TBCE: variants seen among roughly 807,000 people sequenced by gnomAD.
TBCE encodes tubulin-specific chaperone E.
Under a neutral mutation model 77.0 loss-of-function variants are expected in TBCE, and 53 were observed. The ratio of observed to expected loss-of-function variants is 0.69; its 90% CI spans 0.55 to 0.87. TBCE has a LOEUF of 0.87. Ranked by LOEUF, TBCE falls within the 40% of genes least tolerant of loss-of-function variation. The pLI, the probability that TBCE is intolerant of heterozygous loss-of-function variation, is 0.00. For synonymous variants in TBCE, 235 were observed against 241.3 expected (o/e 0.97, Z 0.24); for missense variants, 624 against 622.4 (o/e 1.00, Z -0.03).
chr1:235,398,523 T>G (rs1437632034), intron 2 of TBCE, among the ~76,000 whole-genome samples: 1 of 152,006 alleles, frequency 6.6e-6, no homozygotes, highest in African/African-American at 2.4e-5. Context: ...TGGGTTTATA[T>G]CTCTCATCTT....
At chr1:235,424,543 T>A (rs1680594140) in intron 5 of TBCE, among the ~76,000 whole-genome samples, 1 of 151,732 alleles carries the variant, frequency 6.6e-6, no homozygotes, top group Admixed American at 6.6e-5. Context: ...TTCGTTCTTG[T>A]TGCCCAGGCT....
At chr1:235,369,146 TA>T (rs898795305) in intron 1 of TBCE, among the ~76,000 whole-genome samples, 2 of 151,398 alleles carry the variant, frequency 1.3e-5, no homozygotes, top group African/African-American at 2.4e-5. Context: ...GTTGATCCTT[TA>T]AAAAAAAATC....
At chr1:235,423,955 C>G (rs79180393) in intron 5 of TBCE, among the ~76,000 whole-genome samples, 2,089 of 152,286 alleles carry the variant, frequency 0.014, 22 homozygotes, top group Middle Eastern at 0.065. Context: ...TGTTCCTGAC[C>G]TTCTTGCAGA....
intron 1 of TBCE, among the ~76,000 whole-genome samples, chr1:235,375,023 C>G (rs1357813608): frequency 6.9e-5 from 10 of 144,748 alleles, no homozygotes; most frequent in Non-Finnish European, 1.5e-4. Flanking sequence ...TGGGTTCACA[C>G]CATTCTCCTG....
chr1:235,378,023 T>C (rs1280030861), intron 1 of TBCE, among the ~76,000 whole-genome samples: 1 of 152,174 alleles, frequency 6.6e-6, no homozygotes, highest in African/African-American at 2.4e-5. Context: ...CTCAGATATC[T>C]ATATACCAAT....
In TBCE at chr1:235,412,567, C is replaced by T. The variant is rs150303562; in HGVS notation, c.186-1866C>T. On this transcript the variant is annotated intron_variant, in intron 3 of 16. Coordinates refer to ENST00000642610, the MANE Select transcript of TBCE (RefSeq NM_003193.5). ...CTTTAGGTGATCTGCCCGCCTCAGC[C>T]TCCCAAAATGCTAGGATTATAGGGG... Among the ~76,000 whole-genome samples the T allele has an allele frequency of 8.1e-3, 1,227 of 151,708 alleles. 21 individuals carry two copies. Among genetic ancestry groups the T allele is most frequent in the African/African-American group, 0.028 (1,155 of 41,384 alleles).
chr1:235,372,471 T>G (rs895955306), intron 1 of TBCE, among the ~76,000 whole-genome samples: 2 of 152,174 alleles, frequency 1.3e-5, no homozygotes, highest in African/African-American at 4.8e-5. Context: ...TCTTTGGAGT[T>G]GTAAATAAAC....
At chr1:235,383,591 T>G (rs1429832207) in intron 2 of TBCE, among the ~76,000 whole-genome samples, 4 of 152,004 alleles carry the variant, frequency 2.6e-5, no homozygotes, top group East Asian at 1.9e-4. Flanking sequence ...GTGAATGGGA[T>G]TTCACTCATG....
rs780407960 is a variant in TBCE, at chr1:235,435,801, T to G, written c.794T>G (p.Ile265Ser). 6.2e-7 allele frequency: 1 copy of G among 1,614,190 alleles called. No homozygotes were observed. Among genetic ancestry groups the G allele is most frequent in the South Asian group, 1.1e-5 (1 of 91,084 alleles). ...KLLDLSSNQLIDENQLYLIAH... is the reference protein window; with the variant it reads ...KLLDLSSNQLSDENQLYLIAH... ...TTAGATCTTTCCTCTAATCAATTAA[T>G]TGATGAAAATCAGCTGTATCTGATA... Residue 265 changes from isoleucine (I) to serine (S), a missense_variant, in exon 9 of 17, where the codon ATT becomes AGT. Transcript: ENST00000642610.
At chr1:235,400,134 G>A (rs1041006089) in intron 2 of TBCE, among the ~76,000 whole-genome samples, 1 of 151,862 alleles carries the variant, frequency 6.6e-6, no homozygotes, top group African/African-American at 2.4e-5. Flanking sequence ...ACCTCCTTTT[G>A]GACCCATGAA....
At chr1:235,447,311 A>G (rs1344190765) in intron 15 of TBCE, among the ~76,000 whole-genome samples, 5 of 152,266 alleles carry the variant, frequency 3.3e-5, no homozygotes, top group African/African-American at 1.2e-4. Flanking sequence ...GTTTGAATAC[A>G]CTGTGATATT....
intron 1 of TBCE, among the ~76,000 whole-genome samples, chr1:235,370,409 T>C (rs1230479514): frequency 7.3e-5 from 11 of 151,500 alleles, no homozygotes; most frequent in Middle Eastern, 3.4e-3. Context: ...CATGCCACCA[T>C]GCCTGGCTAA....
intron 13 of TBCE, chr1:235,440,769 A>T (rs1681826788): frequency 6.6e-6 from 1 of 151,788 alleles, no homozygotes; most frequent in African/African-American, 2.4e-5. Context: ...GTTCTGCAGT[A>T]AGCTCTCGTC....
At chr1:235,404,529 G>A (rs1347798483) in intron 3 of TBCE, among the ~76,000 whole-genome samples, 1 of 152,152 alleles carries the variant, frequency 6.6e-6, no homozygotes, top group Non-Finnish European at 1.5e-5. Context: ...GTGAGTGAAT[G>A]TGAAGGCTGG....
At chr1:235,391,600 CTTTTT>C (rs58265980) in intron 2 of TBCE, among the ~76,000 whole-genome samples, 2,514 of 85,352 alleles carry the variant, frequency 0.029, 66 homozygotes, top group African/African-American at 0.11. Context: ...GCTTCATTTC[CTTTTT>C]TTTTTTTTTT....
intron 2 of TBCE, among the ~76,000 whole-genome samples, chr1:235,385,824 G>T (rs1244086735): frequency 6.6e-6 from 1 of 152,126 alleles, no homozygotes; most frequent in Non-Finnish European, 1.5e-5. Context: ...TACATTTAAA[G>T]TTAATATTGT....
intron 2 of TBCE, among the ~76,000 whole-genome samples, chr1:235,384,313 G>C (rs1290340313): frequency 4.2e-5 from 6 of 144,208 alleles, no homozygotes; most frequent in Admixed American, 2.8e-4. Flanking sequence ...TTTGGTATCA[G>C]GATGATGCTG....
At chr1:235,396,621 G>T (rs1207584990) in intron 2 of TBCE, among the ~76,000 whole-genome samples, 1 of 152,156 alleles carries the variant, frequency 6.6e-6, no homozygotes, top group African/African-American at 2.4e-5. Context: ...GTGTGTGAGG[G>T]TTCCCTTTTC....
intron 2 of TBCE, 41 bp from the exon 3 acceptor site, chr1:235,401,462 A>G (rs1479523643): frequency 1.9e-6 from 3 of 1,552,394 alleles, no homozygotes; most frequent in Admixed American, 1.7e-5. Context: ...CATTGCCTGT[A>G]TCATCATCTG....
Sources: gnomAD v4.1 joint callset for allele counts (sites outside exome capture counted in the v4.1 genomes callset) on GRCh38, gnomAD v4.1.1 for gene constraint, MANE v1.5 for transcripts, NCBI Gene and HGNC (gene_info 2026-07-23, HGNC 2026-07-21) for gene names.